CNTNAP3B: variants seen among roughly 807,000 people sequenced by gnomAD.
CNTNAP3B encodes the protein contactin-associated protein-like 3B.
A neutral mutation model predicts 108.9 loss-of-function variants in CNTNAP3B; 25 were observed. The ratio of observed to expected loss-of-function variants is 0.23; its 90% CI spans 0.17 to 0.32. The LOEUF (loss-of-function observed/expected upper bound fraction) is 0.32, where lower values mean the gene tolerates loss of function less well. CNTNAP3B is among the 10% of genes least tolerant of loss of function. The probability of loss-of-function intolerance (pLI) is 1.00; values close to 1 mark genes in which losing one functional copy is unlikely to be tolerated. For synonymous variants in CNTNAP3B, 103 were observed against 473.4 expected, an observed-to-expected ratio of 0.22 and a Z score of 10.16; for missense variants, 252 against 1,210.4, an observed-to-expected ratio of 0.21 and a Z score of 11.75.
At chr9:42,080,296 T>C (rs1266865975) in intron 2 of CNTNAP3B, among the ~76,000 whole-genome samples, 1 of 135,988 alleles carries the variant, frequency 7.4e-6, no homozygotes, top group Admixed American at 7.3e-5. Flanking sequence ...GAAGTAGTAC[T>C]TAAATGCAAA....
At chr9:41,945,622 G>A (rs1476009279) in intron 13 of CNTNAP3B, among the ~76,000 whole-genome samples, 1 of 152,304 alleles carries the variant, frequency 6.6e-6, no homozygotes, top group African/African-American at 2.4e-5. Flanking sequence ...GTCATGGGGT[G>A]TGGGGAGAGG....
rs71275515 is a variant in CNTNAP3B at position 42,037,271 on chromosome 9, TA to T, written c.391-23747del. Reference sequence around the variant, plus strand: ...TGTACCCTAAAACTTAAAGTATAATTAAAAAAAAAAAGAAAAAAGAAAAAAG... The same window carrying T: ...TGTACCCTAAAACTTAAAGTATAATTAAAAAAAAAAGAAAAAAGAAAAAAG... On this transcript the variant is annotated intron_variant, in intron 3 of 23. Coordinates refer to ENST00000377561, the MANE Select transcript of CNTNAP3B (RefSeq NM_001201380.3). Among the ~76,000 whole-genome samples the T allele has an allele frequency of 2.9e-3, 263 of 91,678 alleles. 23 individuals are homozygous for T. The highest frequency in any genetic ancestry group is 9.0e-3 in the African/African-American group (215 of 23,880). The allele number at this position is 91,678 out of a possible 152,430, so 60.1% of individuals were successfully genotyped here.
rs1383881117 is a variant in CNTNAP3B, at chr9:41,963,271, G to A, written c.1756+1267C>T. ...ATGAGCAAGTGGAACTGAGGACTTT[G>A]CATCTCTGTTTCCTTGAAGACCCAG... is the stretch of plus-strand genomic sequence containing the variant. On this transcript the variant is annotated intron_variant, in intron 11 of 23. Coordinates refer to ENST00000377561, the MANE Select transcript of CNTNAP3B (RefSeq NM_001201380.3). 7.9e-5 allele frequency among the ~76,000 whole-genome samples: 12 copies of A among 152,336 alleles called. No individual in the cohort carries two copies. The East Asian group carries it at 9.7e-4, about 12-fold the overall frequency.
rs1828463883 is a variant in CNTNAP3B at position 42,121,625 on chromosome 9, T to A, written c.85+7385A>T. Among the ~76,000 whole-genome samples the A allele has an allele frequency of 1.4e-5, 2 of 140,082 alleles. 1 individual carries two copies. The highest frequency in any genetic ancestry group is 3.1e-5 in the Non-Finnish European group (2 of 65,144). 91.9% of individuals were successfully genotyped at this position (140,082 alleles called of 152,430 possible). On this transcript the variant is annotated intron_variant, in intron 1 of 23. Coordinates refer to ENST00000377561, the MANE Select transcript of CNTNAP3B (RefSeq NM_001201380.3). ...AAAAGAAGAAATGAGGACAGTAGAA[T>A]CAACTGTGACATCCAAAAAAGGAAA...
intron 3 of CNTNAP3B, among the ~76,000 whole-genome samples, chr9:42,021,730 A>C (rs1826311946): frequency 8.6e-6 from 1 of 116,046 alleles, no homozygotes; most frequent in Non-Finnish European, 1.7e-5. Context: ...TGTGCTAGAA[A>C]TTTTCTGTCT....
At position 42,012,023 on chromosome 9, in the gene CNTNAP3B, C is replaced by T. The variant is rs181196304; in HGVS notation, c.538+1355G>A. Among the ~76,000 whole-genome samples the T allele has an allele frequency of 3.1e-5, 3 of 98,326 alleles. 1 individual carries two copies. Among genetic ancestry groups the T allele is most frequent in the African/African-American group, 7.7e-5 (2 of 26,070 alleles). 64.5% of individuals were successfully genotyped at this position (98,326 alleles called of 152,430 possible). A position where few individuals can be genotyped will look rare whatever the true frequency, so the allele number is the denominator to read the frequency against. ...GCATGGCAGCTGCACCGCCCACCGG[C>T]CCTTCCTGGAATCAGGCACAGGGCT... On this transcript the variant is annotated intron_variant, in intron 4 of 23. Coordinates refer to ENST00000377561, the MANE Select transcript of CNTNAP3B (RefSeq NM_001201380.3).
chr9:41,915,862 TAATATACTTC>T (rs1823503615), intron 18 of CNTNAP3B, among the ~76,000 whole-genome samples: 1 of 151,218 alleles, frequency 6.6e-6, no homozygotes, highest in East Asian at 1.9e-4. Flanking sequence ...ATAGGCCTTT[TAATATACTTC>T]ATGACAATGT....
At chr9:42,097,352 C>T (rs200249761) in intron 2 of CNTNAP3B, among the ~76,000 whole-genome samples, 2 of 139,900 alleles carry the variant, frequency 1.4e-5, no homozygotes, top group South Asian at 2.3e-4. Flanking sequence ...CTGGGTAAAA[C>T]TGCCCCACGC....
intron 12 of CNTNAP3B, among the ~76,000 whole-genome samples, chr9:41,959,583 G>A (rs1418234340): frequency 6.6e-6 from 1 of 152,422 alleles, no homozygotes; most frequent in East Asian, 1.9e-4. Flanking sequence ...TTCTCACTTT[G>A]CTTTCATTGT....
chr9:41,921,005 T>G (rs1823652408), intron 17 of CNTNAP3B, among the ~76,000 whole-genome samples: 2 of 152,294 alleles, frequency 1.3e-5, no homozygotes, highest in African/African-American at 2.4e-5. Context: ...AACACCATTA[T>G]GAAGGCGACA....
At chr9:41,915,717 T>G (rs1353717929) in intron 18 of CNTNAP3B, among the ~76,000 whole-genome samples, 1 of 146,178 alleles carries the variant, frequency 6.8e-6, no homozygotes, top group Non-Finnish European at 1.5e-5. Flanking sequence ...AATGTTTTTT[T>G]TTTTCAGCAA....
chr9:42,127,736 T>A lies in CNTNAP3B; in HGVS notation c.85+1274A>T, dbSNP rs1438370230. Among the ~76,000 whole-genome samples, 23 of 139,506 alleles carry A rather than the reference T, an allele frequency of 1.6e-4. 4 individuals are homozygous for A. Among genetic ancestry groups the A allele is most frequent in the African/African-American group, 6.3e-4 (22 of 35,048 alleles). The allele number at this position is 139,506 out of a possible 152,430, so 91.5% of individuals were successfully genotyped here. A position where few individuals can be genotyped will look rare whatever the true frequency, so the allele number is the denominator to read the frequency against. On this transcript the variant is annotated intron_variant, in intron 1 of 23. Transcript: ENST00000377561. ...CCAAAGCAATCCGGAGCTTGTTTTT[T>A]CGAAGGGCACACCAAGTGTAGGATT... is the stretch of plus-strand genomic sequence containing the variant.
chr9:42,087,534 G>T (rs1827730795), intron 2 of CNTNAP3B, among the ~76,000 whole-genome samples: 1 of 143,562 alleles, frequency 7.0e-6, no homozygotes, highest in Admixed American at 6.9e-5. Context: ...GTGCCCTATT[G>T]CATTGCCCCT....
intron 1 of CNTNAP3B, among the ~76,000 whole-genome samples, chr9:42,126,723 C>T (rs1477087117): frequency 7.4e-6 from 1 of 136,042 alleles, no homozygotes; most frequent in Admixed American, 7.3e-5. Flanking sequence ...ATGCCTGCCA[C>T]CACGCCCGGC....
chr9:41,918,712 T>A (rs1177720714), intron 18 of CNTNAP3B, among the ~76,000 whole-genome samples: 1 of 144,496 alleles, frequency 6.9e-6, no homozygotes, highest in Non-Finnish European at 1.5e-5. Context: ...AACATTCAAA[T>A]TGCACTTAGC....
intron 10 of CNTNAP3B, among the ~76,000 whole-genome samples, chr9:41,965,779 A>G (rs1825251689): frequency 1.3e-5 from 2 of 152,142 alleles, no homozygotes; most frequent in Admixed American, 1.3e-4. Flanking sequence ...AAGGACGACC[A>G]GCAGAGAACT....
At chr9:41,933,470 T>A (rs1166893654) in intron 14 of CNTNAP3B, among the ~76,000 whole-genome samples, 2 of 108 alleles carry the variant, frequency 0.019, no homozygotes, top group Admixed American at 0.062. Context: ...CTTGAATAAG[T>A]TTTGTAATTT....
chr9:42,021,521 A>G lies in CNTNAP3B; in HGVS notation c.391-7996T>C, dbSNP rs1348913546. Among the ~76,000 whole-genome samples, 10 of 103,042 alleles carry G rather than the reference A, an allele frequency of 9.7e-5. No homozygotes were observed. The Admixed American group carries it at 9.8e-4, about 10-fold the overall frequency. The allele number at this position is 103,042 out of a possible 152,430, so 67.6% of individuals were successfully genotyped here. A position where few individuals can be genotyped will look rare whatever the true frequency, so the allele number is the denominator to read the frequency against. On this transcript the variant is annotated intron_variant, in intron 3 of 23. Coordinates refer to ENST00000377561, the MANE Select transcript of CNTNAP3B (RefSeq NM_001201380.3). ...GTGTGTCTCTCACACAGATCCATCAATGAACAATATTGCCAGCATTGAGAA... is the reference window on the plus strand; with the variant it reads ...GTGTGTCTCTCACACAGATCCATCAGTGAACAATATTGCCAGCATTGAGAA...
At chr9:41,925,483 G>C (rs1331360141) in intron 15 of CNTNAP3B, among the ~76,000 whole-genome samples, 7 of 152,228 alleles carry the variant, frequency 4.6e-5, no homozygotes, top group Admixed American at 2.0e-4. Context: ...GTCCCAGCTA[G>C]TCGGGAGGCT....
Sources: gnomAD v4.1 joint callset for allele counts (sites outside exome capture counted in the v4.1 genomes callset) on GRCh38, gnomAD v4.1.1 for gene constraint, MANE v1.5 for transcripts, NCBI Gene and HGNC (gene_info 2026-07-23, HGNC 2026-07-21) for gene names.